The following SUMF1 variants were observed in gnomAD, a reference collection of about 807,000 sequenced individuals.
SUMF1 encodes sulfatase modifying factor 1.
In SUMF1, 48 loss-of-function variants were observed where a neutral mutation model predicts 47.6. That is an observed-to-expected ratio of 1.01 (90% CI 0.80 to 1.28). SUMF1 has a LOEUF of 1.28. Among genes scored for constraint, SUMF1 ranks in the 50% most tolerant of loss-of-function variants. SUMF1 has a pLI of 0.00. For synonymous variants in SUMF1, 230 were observed against 192.1 expected, an observed-to-expected ratio of 1.20 and a Z score of -1.63; for missense variants, 571 against 485.4, an observed-to-expected ratio of 1.18 and a Z score of -1.66.
intron 9 of SUMF1, among the ~76,000 whole-genome samples, chr3:4,043,667 C>T (rs367894014): frequency 6.6e-6 from 1 of 152,156 alleles, no homozygotes; most frequent in African/African-American, 2.4e-5. Context: ...GTCTATCTCA[C>T]ACTTTATTTC....
At chr3:4,315,899 T>A (rs1274802808) in intron 8 of SUMF1, among the ~76,000 whole-genome samples, 1 of 151,582 alleles carries the variant, frequency 6.6e-6, no homozygotes, top group Non-Finnish European at 1.5e-5. Flanking sequence ...ATACAAAAAT[T>A]AGTTAGATGT....
intron 8 of SUMF1, among the ~76,000 whole-genome samples, chr3:4,156,492 CAACTGG>C: frequency 6.6e-6 from 1 of 151,688 alleles, no homozygotes; most frequent in East Asian, 1.9e-4. Context: ...TCTTCCTACA[CAACTGG>C]AACAGAAAGG....
At chr3:4,136,820 C>G (rs1693944492) in intron 8 of SUMF1, among the ~76,000 whole-genome samples, 1 of 151,842 alleles carries the variant, frequency 6.6e-6, no homozygotes, top group African/African-American at 2.4e-5. Context: ...AGGATATGAA[C>G]AGACACTTCT....
intron 8 of SUMF1, among the ~76,000 whole-genome samples, chr3:4,161,135 G>A (rs570849104): frequency 1.3e-5 from 2 of 152,300 alleles, no homozygotes; most frequent in South Asian, 4.1e-4. Context: ...TGGATTACCA[G>A]ACAGAGACTC....
At chr3:4,179,948 C>T (rs1233687026) in intron 8 of SUMF1, among the ~76,000 whole-genome samples, 5 of 152,184 alleles carry the variant, frequency 3.3e-5, no homozygotes, top group East Asian at 1.9e-4. Flanking sequence ...AAAAAATTCA[C>T]ATCATCACTG....
chr3:4,146,012 C>A (rs961747580), intron 8 of SUMF1, among the ~76,000 whole-genome samples: 1 of 152,210 alleles, frequency 6.6e-6, no homozygotes, highest in African/African-American at 2.4e-5. Flanking sequence ...CCTGTTGTGT[C>A]GACTTGGTCT....
intron 8 of SUMF1, among the ~76,000 whole-genome samples, chr3:4,147,287 C>A (rs1694218033): frequency 6.6e-6 from 1 of 152,022 alleles, no homozygotes; most frequent in Non-Finnish European, 1.5e-5. Context: ...ACTAGAAATA[C>A]CATTTGACCC....
intron 8 of SUMF1, among the ~76,000 whole-genome samples, chr3:4,277,873 GT>G (rs1368542462): frequency 1.3e-5 from 2 of 151,954 alleles, no homozygotes; most frequent in African/African-American, 4.8e-5. Flanking sequence ...CCCATCCAAA[GT>G]TTTAAGGTAT....
At chr3:4,359,875 C>T (rs1699704298), downstream of SUMF1, among the ~76,000 whole-genome samples, 1 of 152,140 alleles carries the variant, frequency 6.6e-6, no homozygotes. Context: ...TTCCTGGCCT[C>T]AAACGATCCT....
At chr3:4,369,591 G>A (rs769959855) in intron 8 of SUMF1, among the ~76,000 whole-genome samples, 19 of 152,260 alleles carry the variant, frequency 1.2e-4, no homozygotes, top group Non-Finnish European at 1.8e-4. Flanking sequence ...TCCCATAAAC[G>A]TACACGCTTT....
At chr3:4,039,629 AC>A (rs1694872609) in intron 9 of SUMF1, among the ~76,000 whole-genome samples, 1 of 147,794 alleles carries the variant, frequency 6.8e-6, no homozygotes, top group African/African-American at 2.7e-5. Flanking sequence ...TCATTGTTGG[AC>A]ATTTGGGTTG....
intron 2 of SUMF1, among the ~76,000 whole-genome samples, chr3:4,449,956 T>C (rs545654323): frequency 6.6e-6 from 1 of 152,342 alleles, no homozygotes; most frequent in South Asian, 2.1e-4. Flanking sequence ...TCCTCCTACA[T>C]TTGTCAGTGT....
At chr3:4,318,692 G>A (rs1698749399) in intron 8 of SUMF1, among the ~76,000 whole-genome samples, 1 of 152,180 alleles carries the variant, frequency 6.6e-6, no homozygotes, top group Admixed American at 6.5e-5. Flanking sequence ...CAGATCACCT[G>A]AGGTCAGGAG....
At chr3:4,333,021 C>T (rs922741950) in intron 8 of SUMF1, among the ~76,000 whole-genome samples, 12 of 152,156 alleles carry the variant, frequency 7.9e-5, no homozygotes, top group African/African-American at 2.9e-4. Flanking sequence ...AGATTATCTT[C>T]ACACTCCATC....
chr3:4,040,948 T>C (rs1474361566), intron 9 of SUMF1, among the ~76,000 whole-genome samples: 2 of 152,206 alleles, frequency 1.3e-5, no homozygotes, highest in East Asian at 1.9e-4. Context: ...AGTAGACTCA[T>C]TTATTCAGTT....
intron 8 of SUMF1, among the ~76,000 whole-genome samples, chr3:4,148,372 G>C (rs557138664): frequency 1.3e-5 from 2 of 152,076 alleles, no homozygotes; most frequent in Non-Finnish European, 2.9e-5. Flanking sequence ...CAGTTTAGTA[G>C]GTGGAAAATA....
chr3:4,191,586 C>T (rs1695316141), intron 8 of SUMF1, among the ~76,000 whole-genome samples: 1 of 152,018 alleles, frequency 6.6e-6, no homozygotes, highest in East Asian at 1.9e-4. Context: ...GGAGTAGAGG[C>T]AGGTAGACTG....
chr3:4,253,668 G>T (rs917106578), intron 8 of SUMF1, among the ~76,000 whole-genome samples: 5 of 151,586 alleles, frequency 3.3e-5, no homozygotes, highest in Non-Finnish European at 1.5e-5. Flanking sequence ...ACTGCAAGGC[G>T]GCAGCGAGGC....
At chr3:4,172,054 C>G (rs1477059735) in intron 8 of SUMF1, among the ~76,000 whole-genome samples, 1 of 152,094 alleles carries the variant, frequency 6.6e-6, no homozygotes, top group Non-Finnish European at 1.5e-5. Context: ...GAGGCAGAGA[C>G]TGGTTAGAAA....
Sources: allele counts gnomAD v4.1 joint callset (sites outside exome capture counted in the v4.1 genomes callset), GRCh38; gene constraint gnomAD v4.1.1; transcripts MANE v1.5; gene names NCBI Gene and HGNC (gene_info 2026-07-23, HGNC 2026-07-21).